Variants in DCC observed in about 807,000 individuals in gnomAD.
DCC encodes DCC netrin 1 receptor.
DCC carries 58 observed loss-of-function variants against 172.5 expected under a neutral mutation model. That is an observed-to-expected ratio of 0.34 (90% CI 0.27 to 0.42). The LOEUF (loss-of-function observed/expected upper bound fraction) is 0.42. DCC is among the 10% of genes least tolerant of loss of function. DCC has a pLI of 1.00. For synonymous variants in DCC, 709 were observed against 644.5 expected, an observed-to-expected ratio of 1.10 and a Z score of -1.52; for missense variants, 1,740 against 1,791.0, an observed-to-expected ratio of 0.97 and a Z score of 0.51.
chr18:52,551,442 A>G (rs1292000089), intron 1 of DCC, among the ~76,000 whole-genome samples: 1 of 152,048 alleles, frequency 6.6e-6, no homozygotes, highest in Non-Finnish European at 1.5e-5. Context: ...ATAGCTTGTT[A>G]TAGTAATATG....
chr18:53,265,296 G>T (rs1474100758), intron 12 of DCC, among the ~76,000 whole-genome samples: 1 of 152,124 alleles, frequency 6.6e-6, no homozygotes, highest in Non-Finnish European at 1.5e-5. Flanking sequence ...TAATAGAGGT[G>T]ACAGCCTCTA....
intron 26 of DCC, among the ~76,000 whole-genome samples, chr18:53,487,937 A>T (rs956343641): frequency 1.3e-5 from 2 of 152,238 alleles, no homozygotes; most frequent in African/African-American, 4.8e-5. Context: ...ATCCCAAGAC[A>T]ACTGGAAATG....
intron 22 of DCC, among the ~76,000 whole-genome samples, chr18:53,443,996 A>T (rs1031863593): frequency 6.6e-6 from 1 of 152,264 alleles, no homozygotes; most frequent in African/African-American, 2.4e-5. Context: ...GAGCAAAGAA[A>T]GTGATTCATT....
intron 1 of DCC, among the ~76,000 whole-genome samples, chr18:52,572,778 G>A (rs954945946): frequency 1.3e-5 from 2 of 152,172 alleles, no homozygotes; most frequent in Non-Finnish European, 2.9e-5. Flanking sequence ...TATAAAGTGC[G>A]GGGAGGGAGA....
chr18:53,310,350 T>C (rs758055738), intron 13 of DCC, among the ~76,000 whole-genome samples: 1 of 152,194 alleles, frequency 6.6e-6, no homozygotes, highest in Admixed American at 6.5e-5. Flanking sequence ...TACATGGATT[T>C]ATTGATTTGG....
intron 2 of DCC, among the ~76,000 whole-genome samples, chr18:52,777,099 A>G (rs987117333): frequency 2.4e-4 from 36 of 152,142 alleles, no homozygotes; most frequent in Non-Finnish European, 4.9e-4. Flanking sequence ...AATGTTATTT[A>G]TCTTAAAATT....
intron 12 of DCC, among the ~76,000 whole-genome samples, chr18:53,249,238 G>T (rs1280151844): frequency 2.6e-5 from 4 of 151,924 alleles, no homozygotes; most frequent in Non-Finnish European, 2.9e-5. Context: ...TTTAGTAAAA[G>T]TATGTGTTTT....
chr18:53,059,717 AAAT>A lies in DCC; in HGVS notation c.986-3583_986-3581del, dbSNP rs1157568724. On this transcript the variant is annotated intron_variant, in intron 5 of 28. Transcript: ENST00000442544. ...ATTAATTGACTTTTTTATGACAAGAAAATAATATTATTTTGTAGATATATCATT... is the reference window on the plus strand; with the variant it reads ...ATTAATTGACTTTTTTATGACAAGAAAATATTATTTTGTAGATATATCATT... Among the ~76,000 whole-genome samples the A allele has an allele frequency of 2.6e-5, 4 of 152,238 alleles. No individual in the cohort carries two copies. In the East Asian group the frequency reaches 5.8e-4, roughly 22 times the overall value.
chr18:53,069,810 C>T (rs1240568587), intron 7 of DCC, among the ~76,000 whole-genome samples: 2 of 147,840 alleles, frequency 1.4e-5, no homozygotes, highest in South Asian at 2.2e-4. Flanking sequence ...GTCCTACTGC[C>T]CCCTTCCCTA....
chr18:53,322,590 G>A (rs113289655), intron 14 of DCC, among the ~76,000 whole-genome samples: 1 of 151,298 alleles, frequency 6.6e-6, no homozygotes, highest in Non-Finnish European at 1.5e-5. Context: ...TTTTTTACTT[G>A]CTTATGATAT....
chr18:52,986,020 T>C (rs2041287405), intron 5 of DCC, among the ~76,000 whole-genome samples: 1 of 152,180 alleles, frequency 6.6e-6, no homozygotes, highest in African/African-American at 2.4e-5. Context: ...CCTTTGTTAT[T>C]TTCTCAAGGT....
At chr18:52,424,523 T>C in intron 1 of DCC, among the ~76,000 whole-genome samples, 1 of 152,190 alleles carries the variant, frequency 6.6e-6, no homozygotes, top group Non-Finnish European at 1.5e-5. Flanking sequence ...AAGTAGGGCA[T>C]GGTTTTTCTC....
intron 3 of DCC, among the ~76,000 whole-genome samples, chr18:52,919,450 C>T (rs1162495370): frequency 6.6e-6 from 1 of 152,034 alleles, no homozygotes; most frequent in East Asian, 1.9e-4. Context: ...AAAGAAATAC[C>T]AAACTTATTG....
chr18:52,787,131 G>C (rs2037674609), intron 2 of DCC, among the ~76,000 whole-genome samples: 1 of 151,928 alleles, frequency 6.6e-6, no homozygotes, highest in Non-Finnish European at 1.5e-5. Flanking sequence ...ACAAAACAAG[G>C]ATCAGAAATA....
chr18:52,742,305 C>T (rs1457608928), intron 1 of DCC, among the ~76,000 whole-genome samples: 2 of 152,202 alleles, frequency 1.3e-5, no homozygotes, highest in African/African-American at 4.8e-5. Context: ...CTCCAAATCC[C>T]ACAACTCCTT....
intron 1 of DCC, among the ~76,000 whole-genome samples, chr18:52,591,794 T>A (rs977046751): frequency 2.0e-5 from 3 of 149,550 alleles, no homozygotes; most frequent in African/African-American, 7.3e-5. Context: ...TTTCTTTTTT[T>A]TTTTTTTTTC....
chr18:52,824,889 G>C (rs11872341), intron 2 of DCC, among the ~76,000 whole-genome samples: 34,263 of 151,804 alleles, frequency 0.23, 6,213 homozygotes, highest in East Asian at 0.58. Context: ...ATAATCACTT[G>C]AACCCAGGAC....
chr18:52,865,764 A>T (rs2039217415), intron 2 of DCC, among the ~76,000 whole-genome samples: 1 of 152,056 alleles, frequency 6.6e-6, no homozygotes, highest in Non-Finnish European at 1.5e-5. Context: ...TGTCAGACAG[A>T]TAGATTGCAA....
At chr18:53,002,359 CCCTGACAATACAGAAATTCA>C in intron 5 of DCC, among the ~76,000 whole-genome samples, 1 of 152,116 alleles carries the variant, frequency 6.6e-6, no homozygotes, top group Non-Finnish European at 1.5e-5. Context: ...TTATAAATGC[CCCTGACAATACAGAAATTCA>C]CCTGACAATA....
Sources: allele counts gnomAD v4.1 joint callset (sites outside exome capture counted in the v4.1 genomes callset), GRCh38; gene constraint gnomAD v4.1.1; transcripts MANE v1.5; gene names NCBI Gene and HGNC (gene_info 2026-07-23, HGNC 2026-07-21).